Variants in CBLC observed in about 807,000 individuals in gnomAD.
CBLC encodes E3 ubiquitin-protein ligase CBL-C.
In CBLC, 46 loss-of-function variants were observed where a neutral mutation model predicts 58.6. That is an observed-to-expected ratio of 0.79 (90% CI 0.62 to 1.00). The LOEUF (loss-of-function observed/expected upper bound fraction) is 1.00, where lower values mean the gene tolerates loss of function less well. CBLC is among the 50% of genes least tolerant of loss of function. The pLI is 0.00. For synonymous variants in CBLC, 271 were observed against 264.2 expected (o/e 1.03, Z -0.25); for missense variants, 655 against 625.8 (o/e 1.05, Z -0.50).
chr19:44,796,932 A>G (rs565137765), intron 9 of CBLC, among the ~76,000 whole-genome samples: 3 of 152,178 alleles, frequency 2.0e-5, no homozygotes, highest in Non-Finnish European at 4.4e-5. Flanking sequence ...GTGGCGGTGA[A>G]ACCAGCCAGG....
At chr19:44,799,683 AAAAGT>A (rs921530870) in intron 9 of CBLC, among the ~76,000 whole-genome samples, 1 of 150,644 alleles carries the variant, frequency 6.6e-6, no homozygotes, top group Non-Finnish European at 1.5e-5. Context: ...AAAAAGAAAG[AAAAGT>A]AAAGAAAGAG....
At chr19:44,787,132 G>A (rs918934296) in intron 5 of CBLC, among the ~76,000 whole-genome samples, 4 of 152,078 alleles carry the variant, frequency 2.6e-5, no homozygotes, top group African/African-American at 9.7e-5. Flanking sequence ...AGTGGCTCAC[G>A]CCTGTAATCC....
At chr19:44,784,461 A>G (rs1967833698) in intron 5 of CBLC, 60 bp downstream of exon 5, 4 of 1,494,830 alleles carry the variant, frequency 2.7e-6, no homozygotes, top group Admixed American at 3.5e-5. Context: ...AAGATCTTGC[A>G]TGTTGTGCAC....
rs1035328648 is a variant in CBLC at position 44,800,625 on chromosome 19, C to T, written c.*82C>T. 2 of 558,566 alleles carry T rather than the reference C, an allele frequency of 3.6e-6. No individual in the cohort carries two copies. The highest frequency in any genetic ancestry group is 1.9e-5 in the African/African-American group (1 of 52,910). The allele number at this position is 558,566 out of a possible 1,614,324, so 34.6% of individuals were successfully genotyped here. Reference sequence around the variant, plus strand: ...GTGAAACCGAAATAAACTGCCAAGCCTGGTCTGTCCTCCAGGGTGCAAAGG... The same window carrying T: ...GTGAAACCGAAATAAACTGCCAAGCTTGGTCTGTCCTCCAGGGTGCAAAGG... On this transcript the variant is annotated 3_prime_UTR_variant, in exon 11 of 11. Coordinates refer to ENST00000647358, the MANE Select transcript of CBLC (RefSeq NM_012116.4).
At chr19:44,796,823 A>G (rs1051858707) in intron 9 of CBLC, among the ~76,000 whole-genome samples, 2 of 151,876 alleles carry the variant, frequency 1.3e-5, no homozygotes, top group Admixed American at 6.6e-5. Context: ...TTCGATCAAT[A>G]CTGAGCTGTC....
At chr19:44,798,798 C>A (rs1337607338) in intron 9 of CBLC, among the ~76,000 whole-genome samples, 3 of 152,154 alleles carry the variant, frequency 2.0e-5, no homozygotes, top group African/African-American at 7.2e-5. Flanking sequence ...GAACTCAAGC[C>A]AAAGTCCTCT....
At chr19:44,779,553 C>CTTTTTTTTTT (rs774514447) in intron 1 of CBLC, among the ~76,000 whole-genome samples, 1,535 of 136,914 alleles carry the variant, frequency 0.011, 37 homozygotes, top group African/African-American at 0.04. Flanking sequence ...TGTAGTGTCT[C>CTTTTTTTTTT]TTTTTTTTTT....
chr19:44,784,652 A>T (rs1222779776), intron 5 of CBLC, among the ~76,000 whole-genome samples: 1 of 152,180 alleles, frequency 6.6e-6, no homozygotes, highest in African/African-American at 2.4e-5. Context: ...TGTGTGGGGC[A>T]TTGGGCACAA....
At position 44,799,789 on chromosome 19, in the gene CBLC, AAAAAG is replaced by A. The variant is rs559088943; in HGVS notation, c.1363-588_1363-584del. ...AAAGAAAGGGAGGGAGGGAAAGAGA[AAAAAG>A]AAAGAAGGAAGGAAGGAGAGAGCGA... On this transcript the variant is annotated intron_variant, in intron 9 of 10. Coordinates refer to ENST00000647358, the MANE Select transcript of CBLC (RefSeq NM_012116.4). Among the ~76,000 whole-genome samples, 689 of 151,440 alleles carry A rather than the reference AAAAAG, an allele frequency of 4.5e-3. 7 individuals are homozygous for A. Among genetic ancestry groups the A allele is most frequent in the African/African-American group, 0.016 (660 of 41,236 alleles).
At chr19:44,778,313 C>G in intron 1 of CBLC, 29 bp downstream of exon 1, 8 of 1,404,068 alleles carry the variant, frequency 5.7e-6, no homozygotes, top group Non-Finnish European at 4.6e-6. Context: ...ACAAAGTCCT[C>G]TGGGGTGAGG....
rs1337361637 is a variant in CBLC at position 44,782,353 on chromosome 19, G to A, written c.658-17G>A. The stretch of plus-strand genomic sequence containing the variant: ...CTTCCCTGGTCGCTCCCTGACCCAA[G>A]CCCTGCCCCACCCCAGCCATGGCCA... On this transcript the variant is annotated splice_polypyrimidine_tract_variant and intron_variant, in intron 3 of 10. Transcript: ENST00000647358. 3.1e-6 allele frequency: 5 copies of A among 1,613,176 alleles called. No individual in the cohort carries two copies. The highest frequency in any genetic ancestry group is 1.7e-4 in the Middle Eastern group (1 of 6,052).
chr19:44,778,097 C>G lies in CBLC; in HGVS notation c.166C>G (p.Arg56Gly). 6.2e-7 allele frequency: 1 copy of G among 1,606,040 alleles called. No homozygotes were observed. The highest frequency in any genetic ancestry group is 8.5e-7 in the Non-Finnish European group (1 of 1,178,620). Reference protein sequence around the residue: ...DLLPRTAQLLREVAHSRRAAG... With the variant: ...DLLPRTAQLLGEVAHSRRAAG... ...GCTGCCCCGCACAGCGCAGCTGCTT[C>G]GAGAGGTGGCCCATTCTCGGCGGGC... The change falls in exon 1 of 11, where the codon CGA becomes GGA. Residue 56 changes from arginine to glycine, a missense_variant. Arg to Gly is a moderately radical substitution (Grantham distance 125). This residue lies in a region of CBLC where 280 missense variants were observed against 237.2 expected (regional missense o/e 1.18). Transcript: ENST00000647358.
intron 7 of CBLC, among the ~76,000 whole-genome samples, chr19:44,792,836 G>A (rs1051689812): frequency 1.3e-5 from 2 of 152,138 alleles, no homozygotes; most frequent in African/African-American, 4.8e-5. Flanking sequence ...ACGGGGCTGA[G>A]AATAGTGACC....
At chr19:44,784,086 C>T (rs926540711) in intron 4 of CBLC, among the ~76,000 whole-genome samples, 178 bp from the exon 5 acceptor site, 5 of 152,182 alleles carry the variant, frequency 3.3e-5, no homozygotes, top group Non-Finnish European at 7.3e-5. Flanking sequence ...CAGGCAAAAA[C>T]AGCATATATC....
At chr19:44,796,917 G>A (rs970673439) in intron 9 of CBLC, among the ~76,000 whole-genome samples, 1 of 152,060 alleles carries the variant, frequency 6.6e-6, no homozygotes, top group Non-Finnish European at 1.5e-5. Context: ...GCGGTGGGGG[G>A]GAGGGTGGCG....
intron 9 of CBLC, among the ~76,000 whole-genome samples, chr19:44,798,252 C>T (rs1050196237): frequency 1.3e-5 from 2 of 152,102 alleles, no homozygotes; most frequent in Admixed American, 1.3e-4. Flanking sequence ...GACAGAGTCT[C>T]ACCGTGTTGC....
chr19:44,785,525 CAGATAGGTAGATAGAT>C (rs1057161487), intron 5 of CBLC, among the ~76,000 whole-genome samples: 1 of 123,740 alleles, frequency 8.1e-6, no homozygotes, highest in South Asian at 2.8e-4. Context: ...GCTAGATAGT[CAGATAGGTAGATAGAT>C]AGATAGATAG....
rs567606938 is a variant in CBLC at position 44,778,333 on chromosome 19, TGCTCCCA to T, written c.353+52_353+58del. On this transcript the variant is annotated intron_variant, in intron 1 of 10. Coordinates refer to ENST00000647358, the MANE Select transcript of CBLC (RefSeq NM_012116.4). ...GTCCTCTGGGGTGAGGCCCAGGTCT[TGCTCCCA>T]GCCCCTCCTCCCCCAGACCCAGGAA... 2,454 of 1,354,064 alleles carry T rather than the reference TGCTCCCA, an allele frequency of 1.8e-3. 55 individuals carry two copies. In the African/African-American group the frequency reaches 0.035, roughly 19 times the overall value. The allele number at this position is 1,354,064 out of a possible 1,614,324, so 83.9% of individuals were successfully genotyped here. A position where few individuals can be genotyped will look rare whatever the true frequency, so the allele number is the denominator to read the frequency against.
chr19:44,778,129 C>T lies in CBLC; in HGVS notation c.198C>T (p.Gly66=). ...REVAHSRRAA[G]GGGPGGPGGS... is the part of the protein sequence containing the mutation. ...TGGCCCATTCTCGGCGGGCGGCCGG[C>T]GGAGGCGGCCCCGGGGGTCCCGGCG... The change falls in exon 1 of 11, where the codon GGC becomes GGT. Residue 66 remains glycine, a synonymous_variant. Coordinates refer to ENST00000647358, the MANE Select transcript of CBLC (RefSeq NM_012116.4). 2 of 1,596,338 alleles carry T rather than the reference C, an allele frequency of 1.3e-6. No individual in the cohort carries two copies.
Sources: gnomAD v4.1 joint callset for allele counts (sites outside exome capture counted in the v4.1 genomes callset) on GRCh38, gnomAD v4.1.1 for gene constraint, gnomAD v4.1.1 regional missense constraint, MANE v1.5 for transcripts, NCBI Gene and HGNC (gene_info 2026-07-23, HGNC 2026-07-21) for gene names.